Variants in TAFA2 observed in about 807,000 individuals in gnomAD.
TAFA2 encodes the protein TAFA chemokine like family member 2.
A neutral mutation model predicts 18.8 loss-of-function variants in TAFA2; 7 were observed. That is an observed-to-expected ratio of 0.37 (90% CI 0.21 to 0.70). TAFA2 has a LOEUF of 0.70. Among genes scored for constraint, TAFA2 ranks in the 30% least tolerant of loss-of-function variants. TAFA2 has a pLI of 0.53. For synonymous variants in TAFA2, 60 were observed against 54.2 expected (o/e 1.11, Z -0.47); for missense variants, 122 against 158.1 (o/e 0.77, Z 1.23).
intron 2 of TAFA2, among the ~76,000 whole-genome samples, chr12:61,826,360 G>T (rs948634024): frequency 2.0e-5 from 3 of 151,840 alleles, no homozygotes; most frequent in Non-Finnish European, 4.4e-5. Flanking sequence ...GTGTGTGTGT[G>T]TGTATTTGTA....
chr12:61,832,250 G>A (rs542730466), intron 2 of TAFA2, among the ~76,000 whole-genome samples: 62 of 152,106 alleles, frequency 4.1e-4, no homozygotes, highest in Middle Eastern at 3.4e-3. Flanking sequence ...GCCATGCAAC[G>A]TTTACCTGCT....
chr12:61,884,842 A>G lies in TAFA2; in HGVS notation c.-1-17416T>C, dbSNP rs796138095. 2.6e-5 allele frequency among the ~76,000 whole-genome samples: 4 copies of G among 152,184 alleles called. No individual in the cohort carries two copies. The South Asian group carries it at 8.3e-4, about 32-fold the overall frequency. On this transcript the variant is annotated intron_variant, in intron 1 of 4. Coordinates refer to ENST00000416284, the MANE Select transcript of TAFA2 (RefSeq NM_178539.5). ...AGAAAAAGAAAAAAGAAGCTAAAAG[A>G]TAATTAATATCTAAGCTAAATAAAA... is the stretch of plus-strand genomic sequence containing the variant.
At chr12:62,208,054 T>C (rs1448787075) in intron 1 of TAFA2, among the ~76,000 whole-genome samples, 3 of 152,158 alleles carry the variant, frequency 2.0e-5, no homozygotes, top group African/African-American at 7.2e-5. Flanking sequence ...TGGATGCTTG[T>C]TGAATTCAGA....
chr12:62,148,074 C>G (rs916544500), intron 1 of TAFA2, among the ~76,000 whole-genome samples: 1 of 151,990 alleles, frequency 6.6e-6, no homozygotes, highest in Admixed American at 6.6e-5. Flanking sequence ...CAGATGTTGG[C>G]GAGCTTGCAG....
intron 4 of TAFA2, among the ~76,000 whole-genome samples, chr12:61,736,523 A>G (rs181993737): frequency 2.6e-5 from 4 of 152,136 alleles, no homozygotes; most frequent in East Asian, 1.9e-4. Flanking sequence ...CTGCATTGCA[A>G]TCATGCTTAG....
chr12:61,872,954 A>G (rs1299347423), intron 1 of TAFA2, among the ~76,000 whole-genome samples: 4 of 152,184 alleles, frequency 2.6e-5, no homozygotes, highest in East Asian at 3.8e-4. Flanking sequence ...ATACATTTGT[A>G]TAAGTGTCTA....
chr12:62,190,987 C>T (rs1340874526), intron 1 of TAFA2, among the ~76,000 whole-genome samples: 1 of 152,066 alleles, frequency 6.6e-6, no homozygotes, highest in Admixed American at 6.5e-5. Flanking sequence ...AGGGAGGGCA[C>T]CGCTCACGGA....
chr12:62,124,915 A>T (rs1870386131), intron 1 of TAFA2, among the ~76,000 whole-genome samples: 1 of 152,060 alleles, frequency 6.6e-6, no homozygotes, highest in South Asian at 2.1e-4. Flanking sequence ...CCAGCCCATA[A>T]CTCACTACAT....
chr12:62,255,513 A>G (rs2062934007), intron 1 of TAFA2, among the ~76,000 whole-genome samples: 1 of 152,192 alleles, frequency 6.6e-6, no homozygotes, highest in African/African-American at 2.4e-5. Flanking sequence ...TTTTTTTATT[A>G]TAATTATAGA....
intron 1 of TAFA2, among the ~76,000 whole-genome samples, chr12:62,181,828 CT>C (rs1412538363): frequency 2.0e-5 from 3 of 152,168 alleles, no homozygotes; most frequent in African/African-American, 7.2e-5. Flanking sequence ...GAAGTTCAAA[CT>C]TCCTAAATCA....
At chr12:61,900,916 C>T (rs954087430) in intron 1 of TAFA2, among the ~76,000 whole-genome samples, 2 of 152,090 alleles carry the variant, frequency 1.3e-5, no homozygotes, top group African/African-American at 2.4e-5. Context: ...AATAATTTTT[C>T]AAGTAAGCAG....
intron 1 of TAFA2, among the ~76,000 whole-genome samples, chr12:61,895,800 A>G (rs530477880): frequency 6.6e-6 from 1 of 152,200 alleles, no homozygotes; most frequent in South Asian, 2.1e-4. Flanking sequence ...TGGATGAACG[A>G]GTGAATGAAA....
At chr12:61,903,389 C>T (rs892219356) in intron 1 of TAFA2, among the ~76,000 whole-genome samples, 4 of 152,146 alleles carry the variant, frequency 2.6e-5, no homozygotes, top group Non-Finnish European at 5.9e-5. Flanking sequence ...GAGAGGCTTT[C>T]CAATTATGTG....
intron 1 of TAFA2, among the ~76,000 whole-genome samples, chr12:62,094,477 C>T (rs1351511201): frequency 6.6e-6 from 1 of 151,750 alleles, no homozygotes; most frequent in African/African-American, 2.4e-5. Context: ...ACCCCAAAAC[C>T]TTTGAAATAC....
intron 2 of TAFA2, among the ~76,000 whole-genome samples, chr12:61,840,619 G>A (rs1359470126): frequency 6.6e-6 from 1 of 151,992 alleles, no homozygotes; most frequent in Non-Finnish European, 1.5e-5. Context: ...GAATAAATGA[G>A]CCAGCCCAAA....
rs181270856 is a variant in TAFA2, at chr12:62,186,522, T to C, written c.-2+4737A>G. Reference sequence around the variant, plus strand: ...ACATTATCACATTATTGAATCTCTCTGTAGAGTTTCCAAAATCTACTGCAT... The same window carrying C: ...ACATTATCACATTATTGAATCTCTCCGTAGAGTTTCCAAAATCTACTGCAT... On this transcript the variant is annotated intron_variant, in intron 1 of 4. Transcript: ENST00000416284. Among the ~76,000 whole-genome samples the C allele has an allele frequency of 2.0e-3, 311 of 152,284 alleles. 3 individuals carry two copies. The highest frequency in any genetic ancestry group is 2.6e-3 in the Non-Finnish European group (177 of 67,982).
rs779440808 is a variant in TAFA2, at chr12:61,867,315, C to T, written c.106+5G>A. 5.2e-6 allele frequency: 8 copies of T among 1,538,366 alleles called. No homozygotes were observed. The highest frequency in any genetic ancestry group is 7.1e-6 in the Non-Finnish European group (8 of 1,127,098). ...TTAGTTGAAAAAAAAAACAGAAAAGCTTACCTTTATGATGGTTTGCACTGG... is the reference window on the plus strand; with the variant it reads ...TTAGTTGAAAAAAAAAACAGAAAAGTTTACCTTTATGATGGTTTGCACTGG... On this transcript the variant is annotated splice_donor_5th_base_variant and intron_variant, in intron 2 of 4. Coordinates refer to ENST00000416284, the MANE Select transcript of TAFA2 (RefSeq NM_178539.5).
intron 1 of TAFA2, among the ~76,000 whole-genome samples, chr12:62,010,170 C>G (rs1481661755): frequency 2.0e-5 from 3 of 148,958 alleles, no homozygotes; most frequent in Non-Finnish European, 4.5e-5. Flanking sequence ...TCCCCCTCCC[C>G]CTCCCTCTCC....
chr12:62,177,789 A>T (rs776567572), intron 1 of TAFA2, among the ~76,000 whole-genome samples: 2 of 152,090 alleles, frequency 1.3e-5, no homozygotes, highest in African/African-American at 4.8e-5. Context: ...CCACATATTC[A>T]GTCTCCAAGA....
Sources: gnomAD v4.1 joint callset for allele counts (sites outside exome capture counted in the v4.1 genomes callset) on GRCh38, gnomAD v4.1.1 for gene constraint, MANE v1.5 for transcripts, NCBI Gene and HGNC (gene_info 2026-07-23, HGNC 2026-07-21) for gene names.